The following CACNB4 variants were observed in gnomAD, a reference collection of about 807,000 sequenced individuals.
The protein encoded by CACNB4 is calcium voltage-gated channel auxiliary subunit beta 4, also known as voltage-dependent L-type calcium channel subunit beta-4.
CACNB4 carries 32 observed loss-of-function variants against 71.2 expected under a neutral mutation model. That is an observed-to-expected ratio of 0.45 (90% CI 0.34 to 0.60). CACNB4 has a LOEUF of 0.60. Ranked by LOEUF, CACNB4 falls within the 20% of genes least tolerant of loss-of-function variation. The probability of loss-of-function intolerance (pLI) is 0.01; values close to 1 mark genes in which losing one functional copy is unlikely to be tolerated. For missense variants in CACNB4, 464 were observed against 647.9 expected (o/e 0.72, Z 3.08); for synonymous variants, 231 against 236.9 (o/e 0.97, Z 0.23).
chr2:151,863,004 A>C (rs2099842133), intron 9 of CACNB4, among the ~76,000 whole-genome samples: 1 of 151,976 alleles, frequency 6.6e-6, no homozygotes, highest in African/African-American at 2.4e-5. Context: ...TGCAGCTTTC[A>C]GGCATGAAGT....
chr2:152,092,742 C>T (rs1242550548), intron 2 of CACNB4, among the ~76,000 whole-genome samples: 4 of 151,734 alleles, frequency 2.6e-5, no homozygotes, highest in Admixed American at 2.6e-4. Flanking sequence ...TATAGTAGTC[C>T]ACCCTTAACC....
intron 6 of CACNB4, 73 bp from the exon 7 acceptor site, chr2:151,870,934 G>T: frequency 9.1e-7 from 1 of 1,102,420 alleles, no homozygotes; most frequent in Non-Finnish European, 1.3e-6. Context: ...TTTAAAAGAT[G>T]GAAGAATGTA....
chr2:152,015,731 G>A (rs2105092526), intron 2 of CACNB4, among the ~76,000 whole-genome samples: 1 of 152,360 alleles, frequency 6.6e-6, no homozygotes, highest in Non-Finnish European at 1.5e-5. Context: ...GAAGATGACA[G>A]AGAGAGCAAC....
At chr2:152,071,159 CTG>C (rs1441224559) in intron 2 of CACNB4, among the ~76,000 whole-genome samples, 1 of 152,218 alleles carries the variant, frequency 6.6e-6, no homozygotes, top group Non-Finnish European at 1.5e-5. Context: ...TACTTAATAA[CTG>C]TTGTTCACAC....
chr2:151,845,790 C>T (rs924828782), intron 12 of CACNB4, among the ~76,000 whole-genome samples: 4 of 152,192 alleles, frequency 2.6e-5, no homozygotes, highest in Non-Finnish European at 4.4e-5. Flanking sequence ...GGGATATTCT[C>T]TTCAGCTGAG....
At chr2:151,938,217 T>A (rs940803238) in intron 2 of CACNB4, among the ~76,000 whole-genome samples, 4 of 152,084 alleles carry the variant, frequency 2.6e-5, no homozygotes, top group African/African-American at 9.7e-5. Context: ...ATAAGGAGAG[T>A]AAAAACCTTG....
Position 151,945,392 on chromosome 2 carries a change from G to A in CACNB4, c.148-62022C>T, listed in dbSNP as rs1430811112. ...TCATCTTAACAATGGGGATAGGCCG[G>A]GCATGATGGCTCATGCCTGTAATCC... On this transcript the variant is annotated intron_variant, in intron 2 of 13. Transcript: ENST00000539935. Among the ~76,000 whole-genome samples, 3 of 152,174 alleles carry A rather than the reference G, an allele frequency of 2.0e-5. No homozygotes were observed. In the East Asian group the frequency reaches 5.8e-4, roughly 29 times the overall value.
intron 3 of CACNB4, among the ~76,000 whole-genome samples, chr2:151,882,311 C>T (rs764875901): frequency 9.3e-5 from 14 of 149,886 alleles, no homozygotes; most frequent in Admixed American, 1.3e-4. Flanking sequence ...ACCTTAGCTT[C>T]CCAAGTAGCT....
intron 2 of CACNB4, among the ~76,000 whole-genome samples, chr2:151,927,936 A>G (rs1048408654): frequency 3.9e-5 from 6 of 152,206 alleles, no homozygotes; most frequent in Non-Finnish European, 7.3e-5. Flanking sequence ...GAAAAAGGAA[A>G]ATCTTTGCGC....
chr2:151,983,989 T>C (rs1045178659), intron 2 of CACNB4, among the ~76,000 whole-genome samples: 3 of 152,146 alleles, frequency 2.0e-5, no homozygotes, highest in African/African-American at 2.4e-5. Flanking sequence ...AAAACATTAG[T>C]TTTAAAAAAA....
intron 2 of CACNB4, among the ~76,000 whole-genome samples, chr2:152,017,450 G>A (rs1338447738): frequency 1.3e-5 from 2 of 151,410 alleles, no homozygotes; most frequent in Non-Finnish European, 2.9e-5. Context: ...GCTCACGCCT[G>A]TAATCCCAGC....
At chr2:151,916,932 A>G (rs544381350) in intron 2 of CACNB4, among the ~76,000 whole-genome samples, 5 of 152,338 alleles carry the variant, frequency 3.3e-5, no homozygotes, top group African/African-American at 1.2e-4. Context: ...ACCAATCATT[A>G]TCTAGTCGGA....
chr2:151,864,534 C>G (rs2099842585), intron 9 of CACNB4, among the ~76,000 whole-genome samples: 1 of 152,142 alleles, frequency 6.6e-6, no homozygotes, highest in Non-Finnish European at 1.5e-5. Flanking sequence ...GCAGCCCAGA[C>G]AGTATAATAA....
rs774021876 is a variant in CACNB4, at chr2:151,884,388, C to CGCCT, written c.148-1019_148-1018insAGGC. Among the ~76,000 whole-genome samples, 5 of 150,736 alleles carry CGCCT rather than the reference C, an allele frequency of 3.3e-5. No homozygotes were observed. The East Asian group carries it at 7.8e-4, about 23-fold the overall frequency. ...CCTGTAATCTCAGCACTTTGGGAGG[C>CGCCT]CGAGGTGGGAGGATCACGAGGTCAG... On this transcript the variant is annotated intron_variant, in intron 2 of 13. Coordinates refer to ENST00000539935, the MANE Select transcript of CACNB4 (RefSeq NM_000726.5).
In CACNB4 at chr2:152,098,206, C is replaced by T. The variant is rs1688384268; in HGVS notation, c.147+124G>A. The T allele has an allele frequency of 4.3e-6, 3 of 703,472 alleles. No homozygotes were observed. Among genetic ancestry groups the T allele is most frequent in the Non-Finnish European group, 7.4e-6 (3 of 406,646 alleles). The allele number at this position is 703,472 out of a possible 1,614,324, so 43.6% of individuals were successfully genotyped here. On this transcript the variant is annotated intron_variant, in intron 2 of 13. Transcript: ENST00000539935. The surrounding 1 kb of genome is among the most constrained non-coding windows in gnomAD (Gnocchi z 5.3). ...ACTGAGCCCGAGCACCGGCCGAGGC[C>T]GGGAAGAGACGCGCGCGGGCTTGAC...
At chr2:152,067,397 G>A (rs1020887794) in intron 2 of CACNB4, among the ~76,000 whole-genome samples, 1 of 150,764 alleles carries the variant, frequency 6.6e-6, no homozygotes, top group African/African-American at 2.5e-5. Flanking sequence ...GTGGGGGGGG[G>A]GGTGCCTCTC....
At chr2:152,026,380 T>C (rs563289574) in intron 2 of CACNB4, among the ~76,000 whole-genome samples, 2 of 54,990 alleles carry the variant, frequency 3.6e-5, no homozygotes, top group South Asian at 1.1e-3. Flanking sequence ...CTCTAGTCCC[T>C]TTTTTTTTTT....
intron 9 of CACNB4, among the ~76,000 whole-genome samples, chr2:151,864,532 G>A (rs1301466918): frequency 6.6e-6 from 1 of 152,164 alleles, no homozygotes; most frequent in African/African-American, 2.4e-5. Context: ...ATGCAGCCCA[G>A]ACAGTATAAT....
intron 2 of CACNB4, among the ~76,000 whole-genome samples, chr2:151,891,684 G>C (rs543021838): frequency 6.6e-6 from 1 of 152,312 alleles, no homozygotes; most frequent in South Asian, 2.1e-4. Context: ...AGTAACAGAA[G>C]TTGAAAACAC....
Sources: gnomAD v4.1 joint callset for allele counts (sites outside exome capture counted in the v4.1 genomes callset) on GRCh38, gnomAD v4.1.1 for gene constraint, Gnocchi (gnomAD v3.1) non-coding constraint, MANE v1.5 for transcripts, NCBI Gene and HGNC (gene_info 2026-07-23, HGNC 2026-07-21) for gene names.